PRSS23: variants seen among roughly 807,000 people sequenced by gnomAD.
The protein encoded by PRSS23 is serine protease 23, also known as protease, serine 23.
A neutral mutation model predicts 34.7 loss-of-function variants in PRSS23; 25 were observed. That is an observed-to-expected ratio of 0.72 (90% CI 0.53 to 1.01). The LOEUF (loss-of-function observed/expected upper bound fraction) is 1.01, where lower values mean the gene tolerates loss of function less well. Ranked by LOEUF, PRSS23 falls within the 50% of genes least tolerant of loss-of-function variation. PRSS23 has a pLI of 0.00. For synonymous variants in PRSS23, 176 were observed against 186.6 expected, an observed-to-expected ratio of 0.94 and a Z score of 0.46; for missense variants, 445 against 475.6, an observed-to-expected ratio of 0.94 and a Z score of 0.60.
chr11:86,877,160 A>G (rs1246816982), intron 2 of PRSS23, among the ~76,000 whole-genome samples: 3 of 152,070 alleles, frequency 2.0e-5, no homozygotes, highest in Non-Finnish European at 4.4e-5. Context: ...GGCTTTATCC[A>G]TTGTACCCTA....
At chr11:86,857,648 A>G in intron 2 of PRSS23, 1 of 530,278 alleles carries the variant, frequency 1.9e-6, no homozygotes. Flanking sequence ...ATGGCCACAA[A>G]TCGGTCATAG....
intron 2 of PRSS23, among the ~76,000 whole-genome samples, chr11:86,899,825 C>G (rs1246111674): frequency 3.7e-5 from 5 of 136,084 alleles, no homozygotes; most frequent in Non-Finnish European, 4.7e-5. Flanking sequence ...CGCGAGACCC[C>G]ATTTCTTAAA....
At chr11:86,948,741 C>T (rs1039213596) in intron 2 of PRSS23, 4 of 152,282 alleles carry the variant, frequency 2.6e-5, no homozygotes, top group African/African-American at 9.7e-5. Flanking sequence ...TGACAAGTAT[C>T]GATCACCTAC....
intron 2 of PRSS23, among the ~76,000 whole-genome samples, chr11:86,835,630 A>C (rs113759800): frequency 6.6e-6 from 1 of 152,222 alleles, no homozygotes; most frequent in Non-Finnish European, 1.5e-5. Context: ...TGTTATGCCA[A>C]GGAACCCTCT....
At chr11:86,904,767 G>A (rs1402806029) in intron 2 of PRSS23, among the ~76,000 whole-genome samples, 3 of 152,064 alleles carry the variant, frequency 2.0e-5, no homozygotes, top group East Asian at 3.9e-4. Context: ...TTACCACTGG[G>A]CCAGATATGG....
upstream of PRSS23, among the ~76,000 whole-genome samples, chr11:86,795,624 C>T (rs1043545364): frequency 9.9e-5 from 15 of 152,184 alleles, no homozygotes; most frequent in African/African-American, 3.6e-4. Flanking sequence ...AAATCAAGGC[C>T]AATGAGTGTG....
chr11:86,843,159 A>G (rs916901330), intron 2 of PRSS23, among the ~76,000 whole-genome samples: 1 of 152,230 alleles, frequency 6.6e-6, no homozygotes, highest in Admixed American at 6.5e-5. Context: ...TGACAAAAAT[A>G]AGCAATGGGG....
intron 2 of PRSS23, among the ~76,000 whole-genome samples, chr11:86,872,754 G>A (rs1260447765): frequency 6.6e-6 from 1 of 152,062 alleles, no homozygotes; most frequent in Non-Finnish European, 1.5e-5. Flanking sequence ...AACCCACCAG[G>A]AGTAGTAGAA....
upstream of PRSS23, among the ~76,000 whole-genome samples, chr11:86,797,504 T>C (rs138868497): frequency 6.2e-3 from 939 of 152,322 alleles, 6 homozygotes; most frequent in Non-Finnish European, 0.011. Flanking sequence ...GAGTCCTTCC[T>C]ATTAGCTCTT....
intron 1 of PRSS23, among the ~76,000 whole-genome samples, chr11:86,804,035 T>C (rs555038699): frequency 6.6e-6 from 1 of 152,154 alleles, no homozygotes; most frequent in Non-Finnish European, 1.5e-5. Flanking sequence ...ACTTACGTGA[T>C]TCTGGAAAAT....
At chr11:86,895,236 G>T (rs1213607184) in intron 2 of PRSS23, among the ~76,000 whole-genome samples, 1 of 152,108 alleles carries the variant, frequency 6.6e-6, no homozygotes, top group Non-Finnish European at 1.5e-5. Flanking sequence ...ACAGACCAAG[G>T]TACAGATCCT....
At chr11:86,927,938 T>C (rs949797144) in intron 2 of PRSS23, among the ~76,000 whole-genome samples, 2 of 149,742 alleles carry the variant, frequency 1.3e-5, no homozygotes, top group Admixed American at 1.3e-4. Flanking sequence ...AGAAACTCCG[T>C]CTCAAAAAAA....
At chr11:86,875,098 G>A (rs1676302713) in intron 2 of PRSS23, among the ~76,000 whole-genome samples, 1 of 152,214 alleles carries the variant, frequency 6.6e-6, no homozygotes, top group African/African-American at 2.4e-5. Flanking sequence ...AAGTTACCCA[G>A]TCTCACAACT....
At chr11:86,862,360 G>A (rs189948188) in intron 2 of PRSS23, among the ~76,000 whole-genome samples, 88 of 152,010 alleles carry the variant, frequency 5.8e-4, no homozygotes, top group Admixed American at 5.6e-3. Context: ...TGTACAGGGG[G>A]TGTTCACCCT....
chr11:86,797,911 T>A (rs181118235), upstream of PRSS23, among the ~76,000 whole-genome samples: 272 of 152,334 alleles, frequency 1.8e-3, 2 homozygotes, highest in African/African-American at 6.0e-3. Flanking sequence ...CTAGTAAGCG[T>A]CAGACCTTGG....
intron 2 of PRSS23, among the ~76,000 whole-genome samples, chr11:86,908,452 A>G (rs1356124956): frequency 6.6e-6 from 1 of 152,242 alleles, no homozygotes; most frequent in Non-Finnish European, 1.5e-5. Flanking sequence ...GTTTACTCCT[A>G]CAGATTGATC....
intron 2 of PRSS23, among the ~76,000 whole-genome samples, chr11:86,888,970 G>A (rs961916371): frequency 6.6e-6 from 1 of 152,194 alleles, no homozygotes; most frequent in Non-Finnish European, 1.5e-5. Flanking sequence ...TTTAATGAGT[G>A]TTGATGTGAT....
At chr11:86,835,797 A>G (rs186255489) in intron 2 of PRSS23, among the ~76,000 whole-genome samples, 68 of 152,304 alleles carry the variant, frequency 4.5e-4, no homozygotes, top group African/African-American at 1.5e-3. Context: ...AGCCACAGGT[A>G]GTGAGGAAAT....
At chr11:86,858,575 C>G (rs1164962042) in intron 2 of PRSS23, among the ~76,000 whole-genome samples, 1 of 151,846 alleles carries the variant, frequency 6.6e-6, no homozygotes, top group Non-Finnish European at 1.5e-5. Flanking sequence ...AGGTGTACAA[C>G]TCCCTATATT....
Sources: gnomAD v4.1 joint callset for allele counts (sites outside exome capture counted in the v4.1 genomes callset) on GRCh38, gnomAD v4.1.1 for gene constraint, MANE v1.5 for transcripts, NCBI Gene and HGNC (gene_info 2026-07-23, HGNC 2026-07-21) for gene names.